The following DLG2 variants were observed in gnomAD, a reference collection of about 807,000 sequenced individuals.
The protein encoded by DLG2 is disks large homolog 2.
In DLG2, 45 loss-of-function variants were observed where a neutral mutation model predicts 132.5. The observed-to-expected ratio is 0.34, with a 90% CI of 0.27 to 0.44. DLG2 has a LOEUF of 0.44. DLG2 is among the 20% of genes least tolerant of loss of function. The probability of loss-of-function intolerance (pLI) is 1.00; values close to 1 mark genes in which losing one functional copy is unlikely to be tolerated. For synonymous variants in DLG2, 424 were observed against 419.6 expected (o/e 1.01, Z -0.13); for missense variants, 1,045 against 1,196.9 (o/e 0.87, Z 1.87).
intron 18 of DLG2, among the ~76,000 whole-genome samples, chr11:83,648,523 T>G (rs1413521941): frequency 6.6e-6 from 1 of 152,182 alleles, no homozygotes; most frequent in African/African-American, 2.4e-5. Context: ...AAGCAGCCCC[T>G]TATAATAAAA....
At chr11:84,741,054 CTCT>C (rs2064562697) in intron 6 of DLG2, among the ~76,000 whole-genome samples, 1 of 132,774 alleles carries the variant, frequency 7.5e-6, no homozygotes, top group African/African-American at 3.0e-5. Flanking sequence ...TGTGCCTATG[CTCT>C]TTTTTTTTTT....
intron 22 of DLG2, among the ~76,000 whole-genome samples, chr11:83,480,141 ATTGT>A (rs1307577089): frequency 7.2e-5 from 11 of 152,086 alleles, no homozygotes; most frequent in African/African-American, 2.7e-4. Flanking sequence ...TGAGGTTGGA[ATTGT>A]TTATTAGCAA....
chr11:84,391,792 T>G, intron 7 of DLG2, among the ~76,000 whole-genome samples: 1 of 148,464 alleles, frequency 6.7e-6, no homozygotes, highest in Admixed American at 6.6e-5. Context: ...TTTCTGTTAA[T>G]GTTAAAAAAA....
chr11:83,978,253 T>C (rs1386953778), intron 12 of DLG2, among the ~76,000 whole-genome samples: 1 of 151,872 alleles, frequency 6.6e-6, no homozygotes, highest in African/African-American at 2.4e-5. Flanking sequence ...TTTACCATGA[T>C]GGTACAATAG....
chr11:84,602,618 A>G (rs1341903666), intron 6 of DLG2, among the ~76,000 whole-genome samples: 1 of 151,988 alleles, frequency 6.6e-6, no homozygotes, highest in East Asian at 1.9e-4. Context: ...TTTTCCTATT[A>G]TCACCAAAAA....
At chr11:83,654,820 A>G (rs1267980919) in intron 18 of DLG2, among the ~76,000 whole-genome samples, 2 of 152,248 alleles carry the variant, frequency 1.3e-5, no homozygotes, top group African/African-American at 2.4e-5. Flanking sequence ...AATAATTAAC[A>G]TATTCATTAG....
chr11:84,286,409 C>G (rs1404684010), intron 7 of DLG2, among the ~76,000 whole-genome samples: 2 of 152,142 alleles, frequency 1.3e-5, no homozygotes, highest in African/African-American at 4.8e-5. Flanking sequence ...ATACACTTAG[C>G]TAGTCTTGTG....
chr11:85,331,565 T>G (rs940140398), intron 3 of DLG2, among the ~76,000 whole-genome samples: 1 of 152,168 alleles, frequency 6.6e-6, no homozygotes, highest in Non-Finnish European at 1.5e-5. Context: ...TTTTATTATC[T>G]AGGTAGTAAG....
At chr11:85,540,887 GAGGAGGATA>G in intron 3 of DLG2, among the ~76,000 whole-genome samples, 1 of 152,350 alleles carries the variant, frequency 6.6e-6, no homozygotes, top group African/African-American at 2.4e-5. Flanking sequence ...CACGCCCTGC[GAGGAGGATA>G]AGAAAACTCC....
chr11:83,667,761 C>T (rs918807527), intron 18 of DLG2, among the ~76,000 whole-genome samples: 1 of 151,820 alleles, frequency 6.6e-6, no homozygotes, highest in Non-Finnish European at 1.5e-5. Flanking sequence ...GGGCGGATCA[C>T]GAGGTCAGGA....
At position 83,884,250 on chromosome 11, in the gene DLG2, C is replaced by T. The variant is rs894137066; in HGVS notation, c.1497-9762G>A. The stretch of plus-strand genomic sequence containing the variant: ...GGGTCACTCCCACCCTAATACTGCG[C>T]TTTTCCGACGGGCTTAAAAAACGGC... On this transcript the variant is annotated intron_variant, in intron 15 of 27. Coordinates refer to ENST00000376104, the MANE Select transcript of DLG2 (RefSeq NM_001142699.3). Among the ~76,000 whole-genome samples, 9 of 152,358 alleles carry T rather than the reference C, an allele frequency of 5.9e-5. No individual in the cohort carries two copies. In the South Asian group the frequency reaches 1.9e-3, roughly 32 times the overall value.
chr11:85,041,981 C>G (rs548061635), intron 6 of DLG2, among the ~76,000 whole-genome samples: 37 of 151,830 alleles, frequency 2.4e-4, no homozygotes, highest in Non-Finnish European at 5.0e-4. Flanking sequence ...TTGGGTACAA[C>G]GTACACTATT....
At chr11:83,931,396 A>G (rs2080187758) in intron 14 of DLG2, among the ~76,000 whole-genome samples, 1 of 152,172 alleles carries the variant, frequency 6.6e-6, no homozygotes, top group Non-Finnish European at 1.5e-5. Flanking sequence ...TTTCGGTAAC[A>G]TTGTTGTTTC....
chr11:83,580,131 G>C (rs7117889), intron 19 of DLG2, among the ~76,000 whole-genome samples: 8,326 of 151,830 alleles, frequency 0.055, 669 homozygotes, highest in African/African-American at 0.17. Context: ...AATTTCATTT[G>C]TATCATCATA....
chr11:84,737,001 T>C (rs2153818460), intron 6 of DLG2, among the ~76,000 whole-genome samples: 1 of 152,120 alleles, frequency 6.6e-6, no homozygotes, highest in East Asian at 1.9e-4. Flanking sequence ...TATAGGTTTT[T>C]CACATAAGTT....
intron 11 of DLG2, among the ~76,000 whole-genome samples, chr11:83,999,743 G>A (rs778568197): frequency 9.9e-5 from 15 of 152,080 alleles, no homozygotes. Context: ...GGAAATCACA[G>A]ATGCAAATAA....
intron 4 of DLG2, among the ~76,000 whole-genome samples, chr11:85,194,016 C>T (rs1252420118): frequency 6.6e-6 from 1 of 152,180 alleles, no homozygotes; most frequent in Non-Finnish European, 1.5e-5. Flanking sequence ...ACTACTGGCC[C>T]CCAGGGCAGA....
intron 4 of DLG2, among the ~76,000 whole-genome samples, chr11:85,261,082 G>T (rs993500972): frequency 6.6e-6 from 1 of 152,156 alleles, no homozygotes; most frequent in East Asian, 1.9e-4. Flanking sequence ...AAACAGTAGT[G>T]AGTTAAAGAA....
intron 14 of DLG2, among the ~76,000 whole-genome samples, chr11:83,958,917 C>T (rs531091959): frequency 1.9e-4 from 29 of 152,226 alleles, no homozygotes; most frequent in African/African-American, 6.7e-4. Flanking sequence ...ACTCTGGGCC[C>T]TGTGTCTCTG....
Sources: allele counts gnomAD v4.1 joint callset (sites outside exome capture counted in the v4.1 genomes callset), GRCh38; gene constraint gnomAD v4.1.1; transcripts MANE v1.5; gene names NCBI Gene and HGNC (gene_info 2026-07-23, HGNC 2026-07-21).